The following C4orf51 variants were observed in gnomAD, a reference collection of about 807,000 sequenced individuals.
C4orf51 encodes the protein chromosome 4 open reading frame 51.
In C4orf51, 25 loss-of-function variants were observed where a neutral mutation model predicts 25.2. The ratio of observed to expected loss-of-function variants is 0.99; its 90% confidence interval spans 0.72 to 1.39. The LOEUF (loss-of-function observed/expected upper bound fraction) is 1.39, where lower values mean the gene tolerates loss of function less well. C4orf51 is among the 40% of genes most tolerant of loss of function. C4orf51 has a pLI of 0.00. For missense variants in C4orf51, 252 were observed against 239.6 expected (o/e 1.05, Z -0.34); for synonymous variants, 100 against 84.5 (o/e 1.18, Z -1.01).
intron 1 of C4orf51, among the ~76,000 whole-genome samples, chr4:145,741,950 C>G (rs1251554950): frequency 1.3e-5 from 2 of 152,196 alleles, no homozygotes; most frequent in African/African-American, 4.8e-5. Flanking sequence ...ATCCGCCTGC[C>G]TCGGCCTCCC....
intron 2 of C4orf51, among the ~76,000 whole-genome samples, 167 bp from the exon 3 acceptor site, chr4:145,726,744 T>C (rs1408327225): frequency 6.6e-6 from 1 of 152,180 alleles, no homozygotes. Flanking sequence ...TACAGTGTTA[T>C]AGAACAACAA....
At chr4:145,791,764 C>G in the C4orf51 span, among the ~76,000 whole-genome samples, 1 of 152,146 alleles carries the variant, frequency 6.6e-6, no homozygotes, top group Admixed American at 6.6e-5. Context: ...ACAGGTTTTA[C>G]TTATATAATT....
chr4:145,733,580 C>G (rs992237998), downstream of C4orf51, among the ~76,000 whole-genome samples: 2 of 152,190 alleles, frequency 1.3e-5, no homozygotes, highest in South Asian at 2.1e-4. Flanking sequence ...TCCTAGTTAC[C>G]AAGACCGTCC....
chr4:145,720,627 T>C (rs1425648458), intron 2 of C4orf51, among the ~76,000 whole-genome samples: 1 of 152,190 alleles, frequency 6.6e-6, no homozygotes, highest in Non-Finnish European at 1.5e-5. Flanking sequence ...CAGAGACTGA[T>C]TTTAGCACTT....
At chr4:145,703,319 G>A (rs966520555) in intron 2 of C4orf51, among the ~76,000 whole-genome samples, 6 of 150,152 alleles carry the variant, frequency 4.0e-5, no homozygotes, top group Non-Finnish European at 5.9e-5. Flanking sequence ...ACTCCTGCCC[G>A]CCAGAGAACA....
rs1047314733 is a variant in C4orf51 at position 145,726,931 on chromosome 4, A to G, written c.328A>G (p.Arg110Gly). The G allele has an allele frequency of 4.3e-6, 7 of 1,613,498 alleles. No individual in the cohort carries two copies. The African/African-American group carries it at 6.7e-5, about 15-fold the overall frequency. The change falls in exon 3 of 6, where the codon AGG (arginine) becomes GGG (glycine). Residue 110 changes from arginine (R) to glycine (G), a missense_variant. Arg to Gly is a moderately radical substitution (Grantham distance 125). Coordinates refer to ENST00000438731, the MANE Select transcript of C4orf51 (RefSeq NM_001080531.3). ...TGCAGGACTATTCCCTGATATAACC[A>G]GGCCCTTTAAAAAGTCATTTGATGT... Reference protein sequence around the residue: ...DIKGLFPDITRPFKKSFDVKH... With the variant: ...DIKGLFPDITGPFKKSFDVKH...
chr4:145,724,307 C>G (rs991897013), intron 2 of C4orf51, among the ~76,000 whole-genome samples: 1 of 151,976 alleles, frequency 6.6e-6, no homozygotes, highest in Non-Finnish European at 1.5e-5. Flanking sequence ...ACTTCTTATC[C>G]GTCTGCTTTT....
chr4:145,791,516 G>T, the C4orf51 span, among the ~76,000 whole-genome samples: 1 of 152,114 alleles, frequency 6.6e-6, no homozygotes, highest in East Asian at 1.9e-4. Flanking sequence ...ATAATGATTG[G>T]CAGCACTGAT....
rs1199813143 is a variant in C4orf51, at chr4:145,721,283, T to C, written c.308-5628T>C. ...TACCTTGAACCTGGGAGGTGGAGCT[T>C]GCAGTGAGCTGAGATTGCACCACTG... On this transcript the variant is annotated intron_variant, in intron 2 of 5. Transcript: ENST00000438731. 2.0e-5 allele frequency among the ~76,000 whole-genome samples: 3 copies of C among 148,878 alleles called. No individual in the cohort carries two copies. The East Asian group carries it at 5.9e-4, about 29-fold the overall frequency.
Position 145,742,698 on chromosome 4 carries a change from C to T in C4orf51, n.167+10079C>T, listed in dbSNP as rs1733169288. Among the ~76,000 whole-genome samples the T allele has an allele frequency of 3.9e-5, 6 of 152,176 alleles. No individual in the cohort carries two copies. In the South Asian group the frequency reaches 1.0e-3, roughly 26 times the overall value. ...GAGATTACAGGCGCCCGCCACCACGCCCAGCTAATTTTTTTGTATTTTTAG... is the reference window on the plus strand; with the variant it reads ...GAGATTACAGGCGCCCGCCACCACGTCCAGCTAATTTTTTTGTATTTTTAG... On this transcript the variant is annotated intron_variant and non_coding_transcript_variant, in intron 1 of 1. Transcript: ENST00000508981.
intron 2 of C4orf51, among the ~76,000 whole-genome samples, chr4:145,718,131 A>G (rs1162860038): frequency 6.6e-6 from 1 of 152,140 alleles, no homozygotes; most frequent in African/African-American, 2.4e-5. Context: ...CTCTAGGGAG[A>G]GCCCAGCTGA....
downstream of C4orf51, chr4:145,775,962 T>TG: frequency 6.2e-7 from 1 of 1,614,022 alleles, no homozygotes; most frequent in Non-Finnish European, 8.5e-7. Context: ...TTCTTTCCTC[T>TG]GGGGGAGAAG....
chr4:145,750,424 T>G (rs969192002), intron 1 of C4orf51, among the ~76,000 whole-genome samples: 4 of 151,138 alleles, frequency 2.6e-5, no homozygotes, highest in Non-Finnish European at 4.4e-5. Context: ...TTTTTTTTTT[T>G]TTTTTTTTTT....
chr4:145,730,839 A>G (rs1579005152), intron 5 of C4orf51, among the ~76,000 whole-genome samples: 2 of 152,206 alleles, frequency 1.3e-5, no homozygotes, highest in African/African-American at 4.8e-5. Flanking sequence ...AGCAGATATG[A>G]TACATTTCGC....
At chr4:145,759,233 T>C (rs1734199426), downstream of C4orf51, 1 of 152,266 alleles carries the variant, frequency 6.6e-6, no homozygotes. Context: ...CTGGAAATTC[T>C]GTTGTTTTAA....
At chr4:145,764,514 A>G (rs1334297546) in intron 1 of C4orf51, among the ~76,000 whole-genome samples, 3 of 152,194 alleles carry the variant, frequency 2.0e-5, no homozygotes, top group Non-Finnish European at 4.4e-5. Context: ...CGTTGCATGA[A>G]AAATGTTGCT....
chr4:145,688,917 A>G (rs1729353756), intron 1 of C4orf51, among the ~76,000 whole-genome samples: 1 of 152,216 alleles, frequency 6.6e-6, no homozygotes, highest in Non-Finnish European at 1.5e-5. Context: ...AACAACAAAA[A>G]GGTGAGGTCT....
intron 5 of C4orf51, among the ~76,000 whole-genome samples, chr4:145,732,224 G>A (rs911468753): frequency 2.6e-5 from 4 of 152,196 alleles, no homozygotes; most frequent in African/African-American, 2.4e-5. Flanking sequence ...GTTAGGGATT[G>A]CAAGAGTTCC....
chr4:145,758,723 C>G (rs750690074), downstream of C4orf51: 2 of 152,232 alleles, frequency 1.3e-5, no homozygotes, highest in Non-Finnish European at 1.5e-5. Flanking sequence ...TGGCCAAGAG[C>G]AAAGGTCTCT....
Sources: gnomAD v4.1 joint callset for allele counts (sites outside exome capture counted in the v4.1 genomes callset) on GRCh38, gnomAD v4.1.1 for gene constraint, MANE v1.5 for transcripts, NCBI Gene and HGNC (gene_info 2026-07-23, HGNC 2026-07-21) for gene names.